The following DLG2 variants were observed in gnomAD, a reference collection of about 807,000 sequenced individuals.
DLG2 encodes the protein disks large homolog 2.
In DLG2, 45 loss-of-function variants were observed where a neutral mutation model predicts 132.5. That is an observed-to-expected ratio of 0.34 (90% CI 0.27 to 0.44). The LOEUF is 0.44. Among genes scored for constraint, DLG2 ranks in the 20% least tolerant of loss-of-function variants. The pLI is 1.00. For synonymous variants in DLG2, 424 were observed against 419.6 expected, an observed-to-expected ratio of 1.01 and a Z score of -0.13; for missense variants, 1,045 against 1,196.9, an observed-to-expected ratio of 0.87 and a Z score of 1.87.
chr11:85,117,038 C>T (rs565830007), intron 5 of DLG2, among the ~76,000 whole-genome samples: 15 of 151,952 alleles, frequency 9.9e-5, no homozygotes, highest in Non-Finnish European at 1.3e-4. Flanking sequence ...AGTGAGATAA[C>T]GTGGCAAATT....
At chr11:85,433,899 A>C (rs951484767) in intron 3 of DLG2, among the ~76,000 whole-genome samples, 4 of 152,202 alleles carry the variant, frequency 2.6e-5, no homozygotes, top group African/African-American at 9.7e-5. Flanking sequence ...TTACTGTAAA[A>C]TTGACCACAT....
chr11:84,138,711 G>T (rs919335778), intron 9 of DLG2, among the ~76,000 whole-genome samples: 5 of 152,320 alleles, frequency 3.3e-5, no homozygotes, highest in Middle Eastern at 3.4e-3. Flanking sequence ...AACTTCGGGA[G>T]TCTGGGGCGG....
At chr11:83,915,095 A>G (rs2076708692) in intron 15 of DLG2, among the ~76,000 whole-genome samples, 1 of 152,178 alleles carries the variant, frequency 6.6e-6, no homozygotes, top group Admixed American at 6.6e-5. Flanking sequence ...AAGTTTAAAA[A>G]AAGTTTTAGG....
At chr11:83,923,965 T>A (rs2078446746) in intron 15 of DLG2, among the ~76,000 whole-genome samples, 1 of 152,084 alleles carries the variant, frequency 6.6e-6, no homozygotes, top group African/African-American at 2.4e-5. Context: ...CAGCTGCCTT[T>A]TTCTCCAACC....
chr11:84,353,080 T>C (rs1031309837), intron 7 of DLG2, among the ~76,000 whole-genome samples: 4 of 152,176 alleles, frequency 2.6e-5, no homozygotes, highest in Non-Finnish European at 4.4e-5. Context: ...TCTCCAGATA[T>C]CATTGTGTCT....
intron 7 of DLG2, among the ~76,000 whole-genome samples, chr11:84,298,894 A>G (rs2098122609): frequency 1.3e-5 from 2 of 152,206 alleles, no homozygotes; most frequent in Non-Finnish European, 2.9e-5. Context: ...TTGGAGATGG[A>G]GCGGGAAATA....
chr11:83,798,570 C>T (rs1398577491), intron 17 of DLG2, among the ~76,000 whole-genome samples: 1 of 151,794 alleles, frequency 6.6e-6, no homozygotes, highest in Non-Finnish European at 1.5e-5. Flanking sequence ...AAGGAGTAAC[C>T]AAATGGGAAA....
intron 4 of DLG2, among the ~76,000 whole-genome samples, chr11:85,182,996 AAG>A (rs1417846668): frequency 6.6e-6 from 1 of 151,640 alleles, no homozygotes; most frequent in Non-Finnish European, 1.5e-5. Flanking sequence ...GGCACAGAGA[AAG>A]AACAAGATCA....
chr11:83,648,511 G>C (rs1295634231), intron 18 of DLG2, among the ~76,000 whole-genome samples: 1 of 152,058 alleles, frequency 6.6e-6, no homozygotes, highest in African/African-American at 2.4e-5. Context: ...TGAGAAAATG[G>C]GAAGCAGCCC....
chr11:83,476,002 G>GT (rs1166376466), intron 22 of DLG2, among the ~76,000 whole-genome samples: 1 of 152,072 alleles, frequency 6.6e-6, no homozygotes, highest in African/African-American at 2.4e-5. Flanking sequence ...AACACTATGT[G>GT]TTTAAACTGG....
chr11:84,483,914 A>T (rs2099144426), intron 7 of DLG2, among the ~76,000 whole-genome samples: 1 of 152,184 alleles, frequency 6.6e-6, no homozygotes, highest in Non-Finnish European at 1.5e-5. Context: ...TCTCTGAGAC[A>T]GTGTCTGGCA....
chr11:84,280,151 C>T (rs1256858023), intron 7 of DLG2, among the ~76,000 whole-genome samples: 1 of 152,110 alleles, frequency 6.6e-6, no homozygotes, highest in South Asian at 2.1e-4. Flanking sequence ...CTAGTAGAAT[C>T]TTTAGCAAAT....
chr11:84,777,324 T>TATATATATATATATAC (rs1449220928), intron 6 of DLG2, among the ~76,000 whole-genome samples: 1 of 105,930 alleles, frequency 9.4e-6, no homozygotes, highest in African/African-American at 3.5e-5. Flanking sequence ...TATATATATA[T>TATATATATATATATAC]ACGTTTTCTT....
chr11:85,315,974 G>T (rs1052528801), intron 3 of DLG2, among the ~76,000 whole-genome samples: 2 of 151,954 alleles, frequency 1.3e-5, no homozygotes, highest in African/African-American at 4.8e-5. Flanking sequence ...ATCTGCCAAT[G>T]CCCAGCTGTG....
rs1172626911 is a variant in DLG2, at chr11:85,170,860, T to C, written c.187-16209A>G. On this transcript the variant is annotated intron_variant, in intron 4 of 27. Transcript: ENST00000376104. ...GTGCTGTGTGCTGAAGAGGGCTTTC[T>C]CTTTTTGCTTTCCCTTGGTCCCACC... Among the ~76,000 whole-genome samples, 3 of 151,948 alleles carry C rather than the reference T, an allele frequency of 2.0e-5. No homozygotes were observed. In the East Asian group the frequency reaches 5.8e-4, roughly 29 times the overall value.
chr11:84,302,415 A>C (rs952199335), intron 7 of DLG2, among the ~76,000 whole-genome samples: 3 of 152,214 alleles, frequency 2.0e-5, no homozygotes, highest in African/African-American at 7.2e-5. Context: ...TTAATTTTTA[A>C]AAAACATTGC....
At chr11:85,323,784 TTAACA>T (rs2152829452) in intron 3 of DLG2, among the ~76,000 whole-genome samples, 1 of 152,378 alleles carries the variant, frequency 6.6e-6, no homozygotes, top group African/African-American at 2.4e-5. Context: ...CTTCTTTCAC[TTAACA>T]TAATGTCCTC....
At chr11:83,967,244 T>C (rs961636092) in intron 12 of DLG2, among the ~76,000 whole-genome samples, 1 of 152,142 alleles carries the variant, frequency 6.6e-6, no homozygotes, top group Non-Finnish European at 1.5e-5. Flanking sequence ...TCTCTGGGTA[T>C]ATAACAAGAC....
At chr11:83,621,889 C>A (rs990631094) in intron 19 of DLG2, among the ~76,000 whole-genome samples, 16 of 152,062 alleles carry the variant, frequency 1.1e-4, no homozygotes, top group African/African-American at 3.9e-4. Flanking sequence ...GCTCTGCTCT[C>A]ACTGTCTTGC....
Sources: allele counts gnomAD v4.1 joint callset (sites outside exome capture counted in the v4.1 genomes callset), GRCh38; gene constraint gnomAD v4.1.1; transcripts MANE v1.5; gene names NCBI Gene and HGNC (gene_info 2026-07-23, HGNC 2026-07-21).